The following ATP13A4 variants were observed in gnomAD, a reference collection of about 807,000 sequenced individuals.
The protein encoded by ATP13A4 is probable cation-transporting ATPase 13A4.
In ATP13A4, 114 loss-of-function variants were observed where a neutral mutation model predicts 142.5. The observed-to-expected ratio is 0.80, with a 90% CI of 0.69 to 0.93. ATP13A4 has a LOEUF of 0.93. Ranked by LOEUF, ATP13A4 falls within the 40% of genes least tolerant of loss-of-function variation. The pLI, the probability that ATP13A4 is intolerant of heterozygous loss-of-function variation, is 0.00. For missense variants in ATP13A4, 1,392 were observed against 1,454.0 expected, an observed-to-expected ratio of 0.96 and a Z score of 0.69; for synonymous variants, 488 against 514.8, an observed-to-expected ratio of 0.95 and a Z score of 0.70.
chr3:193,572,964 C>CAA (rs111244759), intron 2 of ATP13A4, among the ~76,000 whole-genome samples: 10 of 86,958 alleles, frequency 1.1e-4, no homozygotes, highest in African/African-American at 2.8e-4. Flanking sequence ...ACCTTCTTTA[C>CAA]AAAAAAAAAA....
Position 193,402,682 on chromosome 3 carries a change from T to C in ATP13A4, c.3561A>G (p.Pro1187=), listed in dbSNP as rs759642508. ...ECGRGVSYSN[P]VFESNEEQL Reference sequence around the variant, plus strand: ...GTTGTTCTTCATTGCTCTCAAATACTGGATTGCTGTAAGACACTCCTCTGC... The same window carrying C: ...GTTGTTCTTCATTGCTCTCAAATACCGGATTGCTGTAAGACACTCCTCTGC... Residue 1187 remains proline, a synonymous_variant, in exon 30 of 30, where the codon CCA becomes CCG. Transcript: ENST00000342695. 1.8e-6 allele frequency: 2 copies of C among 1,110,354 alleles called. No homozygotes were observed. The highest frequency in any genetic ancestry group is 2.5e-5 in the South Asian group (2 of 81,022). 68.8% of individuals were successfully genotyped at this position (1,110,354 alleles called of 1,614,324 possible).
intron 2 of ATP13A4, among the ~76,000 whole-genome samples, chr3:193,568,509 G>A (rs1724190373): frequency 6.6e-6 from 1 of 152,206 alleles, no homozygotes; most frequent in African/African-American, 2.4e-5. Flanking sequence ...AGGAGAGCAT[G>A]TGCGAGGCTG....
chr3:193,489,713 T>C lies in ATP13A4; in HGVS notation c.738+17A>G, dbSNP rs372301710. 1.4e-4 allele frequency: 223 copies of C among 1,599,834 alleles called. 1 individual carries two copies. In the African/African-American group the frequency reaches 2.5e-3, roughly 18 times the overall value. Reference sequence around the variant, plus strand: ...TCCTTCCCTTTATGAAACCATAGAATTAATAGAAAAACTCACCTCTCTGAG... The same window carrying C: ...TCCTTCCCTTTATGAAACCATAGAACTAATAGAAAAACTCACCTCTCTGAG... On this transcript the variant is annotated intron_variant, in intron 7 of 29. Transcript: ENST00000342695.
chr3:193,582,612 TATTATATATGTATATTACATAC>T lies in ATP13A4; in HGVS notation n.92-728_92-707del, dbSNP rs1470950498. Among the ~76,000 whole-genome samples, 49 of 109,230 alleles carry T rather than the reference TATTATATATGTATATTACATAC, an allele frequency of 4.5e-4. 6 individuals carry two copies. Among genetic ancestry groups the T allele is most frequent in the East Asian group, 2.8e-3 (12 of 4,220 alleles). The allele number at this position is 109,230 out of a possible 152,430, so 71.7% of individuals were successfully genotyped here. On this transcript the variant is annotated intron_variant and non_coding_transcript_variant, in intron 1 of 3. Coordinates refer to the ATP13A4 transcript ENST00000489140. ...ATATTATATATGTATATTACATGTA[TATTATATATGTATATTACATAC>T]ATTATATATGTATATTACATACATT...
At chr3:193,580,758 T>C (rs1724522440) in intron 2 of ATP13A4, among the ~76,000 whole-genome samples, 1 of 152,022 alleles carries the variant, frequency 6.6e-6, no homozygotes, top group South Asian at 2.1e-4. Context: ...AAAGGAAAGG[T>C]ACGGTTTTGA....
chr3:193,555,154 T>G, upstream of ATP13A4: 1 of 379,432 alleles, frequency 2.6e-6, no homozygotes, highest in East Asian at 6.6e-5. Flanking sequence ...GACTTCTGAC[T>G]GCAAATCCAA....
At chr3:193,563,387 G>A (rs529710288) in intron 2 of ATP13A4, among the ~76,000 whole-genome samples, 1 of 152,216 alleles carries the variant, frequency 6.6e-6, no homozygotes, top group Non-Finnish European at 1.5e-5. Flanking sequence ...TCCACTCCTA[G>A]GCCTAGTATC....
intron 1 of ATP13A4, among the ~76,000 whole-genome samples, chr3:193,541,647 G>C (rs1479304078): frequency 6.6e-6 from 1 of 152,064 alleles, no homozygotes; most frequent in Non-Finnish European, 1.5e-5. Flanking sequence ...CCAAGTAACA[G>C]TATCCAATAC....
intron 17 of ATP13A4, among the ~76,000 whole-genome samples, chr3:193,450,719 G>A (rs557142310): frequency 7.2e-5 from 11 of 152,288 alleles, no homozygotes; most frequent in Admixed American, 5.9e-4. Context: ...GCACCTAAAT[G>A]TATGTTCCAA....
chr3:193,416,067 T>C (rs191125897), intron 25 of ATP13A4, among the ~76,000 whole-genome samples: 1 of 152,322 alleles, frequency 6.6e-6, no homozygotes, highest in East Asian at 1.9e-4. Flanking sequence ...TGTTTGTTTG[T>C]TTGTTTTTTC....
intron 1 of ATP13A4, among the ~76,000 whole-genome samples, chr3:193,522,182 GTT>G (rs1721757410): frequency 6.6e-6 from 1 of 152,128 alleles, no homozygotes; most frequent in African/African-American, 2.4e-5. Flanking sequence ...AGCCCAGTGT[GTT>G]GTCAGCTACT....
At chr3:193,542,775 T>C (rs1178140623) in intron 1 of ATP13A4, among the ~76,000 whole-genome samples, 2 of 152,182 alleles carry the variant, frequency 1.3e-5, no homozygotes, top group African/African-American at 2.4e-5. Flanking sequence ...TGGCTAGCCA[T>C]ATGCAGAAAA....
At chr3:193,539,977 G>A (rs1377662294) in intron 1 of ATP13A4, among the ~76,000 whole-genome samples, 2 of 152,088 alleles carry the variant, frequency 1.3e-5, no homozygotes, top group Non-Finnish European at 2.9e-5. Context: ...TAATAGTTCA[G>A]AAGGAAGATA....
At chr3:193,409,192 T>C (rs190331601) in intron 28 of ATP13A4, among the ~76,000 whole-genome samples, 92 of 152,252 alleles carry the variant, frequency 6.0e-4, no homozygotes, top group African/African-American at 2.1e-3. Context: ...AGTTTCTAGG[T>C]TGCAAAACAA....
At chr3:193,498,635 A>C (rs960834761) in intron 3 of ATP13A4, among the ~76,000 whole-genome samples, 1 of 152,192 alleles carries the variant, frequency 6.6e-6, no homozygotes, top group African/African-American at 2.4e-5. Flanking sequence ...ATTTGTCTGC[A>C]GTGCATTCTG....
chr3:193,582,683 T>A (rs55670020), intron 1 of ATP13A4, among the ~76,000 whole-genome samples: 5 of 49,256 alleles, frequency 1.0e-4, no homozygotes, highest in South Asian at 4.9e-4. Flanking sequence ...ACATATATAT[T>A]ATATATGTGT....
intron 25 of ATP13A4, among the ~76,000 whole-genome samples, chr3:193,426,112 T>C (rs1715646887): frequency 6.6e-6 from 1 of 151,754 alleles, no homozygotes; most frequent in African/African-American, 2.4e-5. Context: ...GCCTACATAC[T>C]GAAAATCTTA....
chr3:193,585,239 G>A (rs1470221186), intron 1 of ATP13A4, among the ~76,000 whole-genome samples: 1 of 148,902 alleles, frequency 6.7e-6, no homozygotes, highest in Non-Finnish European at 1.5e-5. Context: ...CCAACATGGT[G>A]AAACGTCATC....
Position 193,572,227 on chromosome 3 carries a change from G to C in ATP13A4, n.291+9480C>G, listed in dbSNP as rs141456894. 3.1e-3 allele frequency among the ~76,000 whole-genome samples: 478 copies of C among 152,214 alleles called. 1 individual carries two copies. The highest frequency in any genetic ancestry group is 0.011 in the African/African-American group (465 of 41,526). Reference sequence around the variant, plus strand: ...CATGCCACTGCACTCCAATCTGGGGGACACAATAAGACCCTGTCTAAAAAA... The same window carrying C: ...CATGCCACTGCACTCCAATCTGGGGCACACAATAAGACCCTGTCTAAAAAA... On this transcript the variant is annotated intron_variant and non_coding_transcript_variant, in intron 2 of 3. Coordinates refer to the ATP13A4 transcript ENST00000489140.
Sources: allele counts gnomAD v4.1 joint callset (sites outside exome capture counted in the v4.1 genomes callset), GRCh38; gene constraint gnomAD v4.1.1; transcripts MANE v1.5; gene names NCBI Gene and HGNC (gene_info 2026-07-23, HGNC 2026-07-21).